SOX5: variants seen among roughly 807,000 people sequenced by gnomAD.
SOX5 encodes transcription factor SOX-5.
In SOX5, 9 loss-of-function variants were observed where a neutral mutation model predicts 92.0. The ratio of observed to expected loss-of-function variants is 0.10; its 90% CI spans 0.06 to 0.17. SOX5 has a LOEUF of 0.17. Ranked by LOEUF, SOX5 falls within the 10% of genes least tolerant of loss-of-function variation. The pLI is 1.00. For synonymous variants in SOX5, 344 were observed against 336.3 expected (o/e 1.02, Z -0.25); for missense variants, 642 against 944.5 (o/e 0.68, Z 4.20).
At position 23,882,690 on chromosome 12, in the gene SOX5, A is replaced by G. The variant is rs372664172; in HGVS notation, c.270+13103T>C. Among the ~76,000 whole-genome samples, 9 of 152,324 alleles carry G rather than the reference A, an allele frequency of 5.9e-5. No individual in the cohort carries two copies. The East Asian group carries it at 1.2e-3, about 20-fold the overall frequency. On this transcript the variant is annotated intron_variant, in intron 2 of 14. Coordinates refer to ENST00000451604, the MANE Select transcript of SOX5 (RefSeq NM_006940.6). ...ACTAACTGAAACTCACTATACAAAA[A>G]GTACTATGTTAGGTGATTTTCTCAT...
chr12:24,289,923 T>C (rs1946425796), intron 2 of SOX5, among the ~76,000 whole-genome samples: 1 of 152,136 alleles, frequency 6.6e-6, no homozygotes, highest in Admixed American at 6.5e-5. Context: ...AAGCTCAAGT[T>C]TTCTGCACCT....
chr12:24,098,603 T>C (rs1026311913), intron 4 of SOX5, among the ~76,000 whole-genome samples: 1 of 152,172 alleles, frequency 6.6e-6, no homozygotes, highest in African/African-American at 2.4e-5. Flanking sequence ...ATATTGTTCT[T>C]GAATATCAGA....
chr12:23,816,850 G>T (rs2096005375), intron 3 of SOX5, among the ~76,000 whole-genome samples: 1 of 152,078 alleles, frequency 6.6e-6, no homozygotes, highest in Non-Finnish European at 1.5e-5. Flanking sequence ...ATATAGGATG[G>T]CACAAATACC....
chr12:24,063,806 T>C (rs1309348269), intron 4 of SOX5, among the ~76,000 whole-genome samples: 1 of 152,214 alleles, frequency 6.6e-6, no homozygotes, highest in Non-Finnish European at 1.5e-5. Flanking sequence ...CTCTGCCACA[T>C]ACTTGCTCTG....
intron 6 of SOX5, among the ~76,000 whole-genome samples, chr12:23,673,817 T>C (rs868746907): frequency 6.6e-6 from 1 of 152,106 alleles, no homozygotes; most frequent in Non-Finnish European, 1.5e-5. Context: ...TTGGGAGTGA[T>C]GAAAATGTTC....
intron 11 of SOX5, among the ~76,000 whole-genome samples, chr12:23,551,440 G>A (rs932714464): frequency 5.3e-5 from 8 of 151,640 alleles, no homozygotes; most frequent in East Asian, 1.9e-4. Flanking sequence ...ATATAACACC[G>A]AAAATGGGAG....
chr12:24,201,313 C>T (rs2139546952), intron 4 of SOX5, among the ~76,000 whole-genome samples: 1 of 151,878 alleles, frequency 6.6e-6, no homozygotes, highest in South Asian at 2.1e-4. Flanking sequence ...CTTTGAAAAT[C>T]TGATAAAATC....
intron 1 of SOX5, among the ~76,000 whole-genome samples, chr12:24,429,657 G>A (rs1394909513): frequency 6.6e-6 from 1 of 150,736 alleles, no homozygotes; most frequent in Non-Finnish European, 1.5e-5. Flanking sequence ...CACACCCCAT[G>A]AGCACAAAGC....
chr12:23,683,675 T>C (rs541298218), intron 6 of SOX5, among the ~76,000 whole-genome samples: 1 of 152,100 alleles, frequency 6.6e-6, no homozygotes, highest in Non-Finnish European at 1.5e-5. Flanking sequence ...AATTTACACA[T>C]TGATCAGCAA....
intron 4 of SOX5, among the ~76,000 whole-genome samples, chr12:23,996,454 A>G (rs1375228227): frequency 6.6e-6 from 1 of 152,218 alleles, no homozygotes; most frequent in African/African-American, 2.4e-5. Flanking sequence ...AGTTAAACAT[A>G]GAGTTACTCA....
intron 3 of SOX5, among the ~76,000 whole-genome samples, chr12:23,775,947 T>C (rs564134260): frequency 6.6e-6 from 1 of 152,136 alleles, no homozygotes; most frequent in Non-Finnish European, 1.5e-5. Flanking sequence ...TTCCAAGGAC[T>C]GTGGGCAGGG....
chr12:24,307,002 G>A (rs1948641443), intron 2 of SOX5, among the ~76,000 whole-genome samples: 1 of 152,096 alleles, frequency 6.6e-6, no homozygotes, highest in African/African-American at 2.4e-5. Context: ...TGGTGGCTGA[G>A]CAGGAAGATC....
At chr12:23,812,143 G>T (rs1472023064) in intron 3 of SOX5, among the ~76,000 whole-genome samples, 1 of 151,794 alleles carries the variant, frequency 6.6e-6, no homozygotes, top group Non-Finnish European at 1.5e-5. Context: ...ACACTCAAAA[G>T]AAAAAAGCCA....
intron 1 of SOX5, among the ~76,000 whole-genome samples, chr12:23,945,395 T>C (rs1369969607): frequency 2.6e-5 from 4 of 152,138 alleles, no homozygotes; most frequent in East Asian, 3.9e-4. Flanking sequence ...TCTGTGTCTA[T>C]CAAACCTGCT....
At chr12:24,056,995 T>G (rs1183827439) in intron 4 of SOX5, among the ~76,000 whole-genome samples, 1 of 112,020 alleles carries the variant, frequency 8.9e-6, no homozygotes, top group Non-Finnish European at 2.0e-5. Flanking sequence ...AAAAAAAAAT[T>G]CAACAAAAAA....
chr12:23,852,155 A>G (rs2096640301), intron 2 of SOX5, among the ~76,000 whole-genome samples: 1 of 152,198 alleles, frequency 6.6e-6, no homozygotes, highest in Non-Finnish European at 1.5e-5. Context: ...TAGAAATTCT[A>G]AAATACTTAA....
chr12:24,115,834 GT>G (rs1947929214), intron 4 of SOX5, among the ~76,000 whole-genome samples: 1 of 152,032 alleles, frequency 6.6e-6, no homozygotes, highest in Admixed American at 6.6e-5. Flanking sequence ...ACATCATTAT[GT>G]TTTTTAGAAC....
At chr12:23,698,521 G>A (rs1443005308) in intron 6 of SOX5, among the ~76,000 whole-genome samples, 2 of 152,014 alleles carry the variant, frequency 1.3e-5, no homozygotes, top group South Asian at 2.1e-4. Flanking sequence ...CTCAATCTAG[G>A]ACACTGTTAT....
At chr12:24,365,693 T>TTTTTTTTTTTTTTTTTTGAG (rs1446820122) in intron 2 of SOX5, among the ~76,000 whole-genome samples, 1 of 150,918 alleles carries the variant, frequency 6.6e-6, no homozygotes, top group Non-Finnish European at 1.5e-5. Context: ...AATACTTTTT[T>TTTTTTTTTTTTTTTTTTGAG]AACTGAAGTT....
Sources: gnomAD v4.1 joint callset for allele counts (sites outside exome capture counted in the v4.1 genomes callset) on GRCh38, gnomAD v4.1.1 for gene constraint, MANE v1.5 for transcripts, NCBI Gene and HGNC (gene_info 2026-07-23, HGNC 2026-07-21) for gene names.